Variants in MSRA observed in about 807,000 individuals in gnomAD.
MSRA encodes methionine sulfoxide reductase A.
A neutral mutation model predicts 31.3 loss-of-function variants in MSRA; 54 were observed. The observed-to-expected ratio is 1.73, with a 90% CI of 1.39 to 2.17. MSRA has a LOEUF of 2.17. Ranked by LOEUF, MSRA falls within the 30% of genes most tolerant of loss-of-function variation. The pLI is 0.00. For missense variants in MSRA, 507 were observed against 300.9 expected (o/e 1.69, Z -5.07); for synonymous variants, 169 against 116.5 (o/e 1.45, Z -2.90).
intron 5 of MSRA, chr8:10,411,095 A>G (rs1032764611): frequency 6.6e-6 from 1 of 151,790 alleles, no homozygotes. Flanking sequence ...TCTGACCTCC[A>G]CTCAGGTTTT....
chr8:10,373,535 C>G (rs926607471), intron 5 of MSRA, among the ~76,000 whole-genome samples: 2 of 152,262 alleles, frequency 1.3e-5, no homozygotes, highest in African/African-American at 4.8e-5. Context: ...CCTTGCCCAG[C>G]TACTGACTGG....
chr8:10,234,752 G>T (rs192752621), intron 2 of MSRA, among the ~76,000 whole-genome samples: 2 of 151,838 alleles, frequency 1.3e-5, no homozygotes, highest in Non-Finnish European at 2.9e-5. Context: ...GAAAACATAC[G>T]CCTGGTAAAT....
intron 5 of MSRA, among the ~76,000 whole-genome samples, chr8:10,345,273 G>A (rs998120672): frequency 2.0e-5 from 3 of 152,216 alleles, no homozygotes; most frequent in African/African-American, 7.2e-5. Context: ...GGCTGTTAGT[G>A]TAATGGTCTT....
intron 5 of MSRA, among the ~76,000 whole-genome samples, chr8:10,357,349 A>T (rs1804566080): frequency 6.6e-6 from 1 of 152,196 alleles, no homozygotes; most frequent in Non-Finnish European, 1.5e-5. Context: ...TAAATGCTTA[A>T]TGCTTTCTCT....
At chr8:10,251,737 A>G (rs1797926344) in intron 3 of MSRA, among the ~76,000 whole-genome samples, 1 of 152,116 alleles carries the variant, frequency 6.6e-6, no homozygotes, top group South Asian at 2.1e-4. Flanking sequence ...GAATGGACCC[A>G]TTGCCTGAAG....
intron 3 of MSRA, among the ~76,000 whole-genome samples, chr8:10,267,465 G>C (rs1018482432): frequency 6.6e-6 from 1 of 152,038 alleles, no homozygotes; most frequent in Non-Finnish European, 1.5e-5. Context: ...ATTATTCCAG[G>C]AGTAGGAGTC....
At chr8:10,348,726 T>G (rs1233478609) in intron 5 of MSRA, among the ~76,000 whole-genome samples, 1 of 152,116 alleles carries the variant, frequency 6.6e-6, no homozygotes, top group Non-Finnish European at 1.5e-5. Context: ...AATATTTATC[T>G]CCTTACTCAT....
At chr8:10,247,620 C>T (rs774531265) in intron 3 of MSRA, among the ~76,000 whole-genome samples, 1 of 152,112 alleles carries the variant, frequency 6.6e-6, no homozygotes, top group South Asian at 2.1e-4. Flanking sequence ...ACCACAGAGA[C>T]TGGTAAAGAA....
intron 4 of MSRA, among the ~76,000 whole-genome samples, chr8:10,313,496 C>T (rs894803989): frequency 2.7e-5 from 4 of 147,400 alleles, no homozygotes; most frequent in African/African-American, 1.0e-4. Context: ...AACAAACAAA[C>T]AAAAAAAAAC....
intron 1 of MSRA, among the ~76,000 whole-genome samples, chr8:10,134,944 G>C (rs1802162539): frequency 6.6e-6 from 1 of 152,144 alleles, no homozygotes; most frequent in Non-Finnish European, 1.5e-5. Flanking sequence ...GGCTGTAAAA[G>C]CTAGAGCTGT....
chr8:10,149,245 C>T (rs1803438784), intron 1 of MSRA, among the ~76,000 whole-genome samples: 1 of 152,110 alleles, frequency 6.6e-6, no homozygotes, highest in Admixed American at 6.5e-5. Flanking sequence ...CCTCAGCCTC[C>T]CAAGTATCTG....
At chr8:10,218,035 C>A (rs899482815) in intron 2 of MSRA, among the ~76,000 whole-genome samples, 7 of 151,980 alleles carry the variant, frequency 4.6e-5, no homozygotes, top group African/African-American at 1.7e-4. Flanking sequence ...TTTCTACAAA[C>A]CGAGAGTGAG....
At chr8:10,214,245 C>T (rs887985896) in intron 2 of MSRA, among the ~76,000 whole-genome samples, 10 of 152,084 alleles carry the variant, frequency 6.6e-5, no homozygotes, top group African/African-American at 1.4e-4. Flanking sequence ...GGACAGGTCC[C>T]GGAGCAGGGG....
At chr8:10,363,388 G>A (rs1455515464) in intron 5 of MSRA, among the ~76,000 whole-genome samples, 1 of 152,140 alleles carries the variant, frequency 6.6e-6, no homozygotes, top group Admixed American at 6.5e-5. Context: ...CAAGGAACCC[G>A]TCAGACTGGG....
chr8:10,260,699 G>A (rs564070215), intron 3 of MSRA, among the ~76,000 whole-genome samples: 6 of 152,218 alleles, frequency 3.9e-5, no homozygotes, highest in African/African-American at 1.4e-4. Flanking sequence ...CATTGGTGGG[G>A]GGGAATAAAA....
intron 1 of MSRA, among the ~76,000 whole-genome samples, chr8:10,157,687 C>T (rs1156760957): frequency 6.6e-6 from 1 of 151,886 alleles, no homozygotes; most frequent in Non-Finnish European, 1.5e-5. Flanking sequence ...TCAAATTTCC[C>T]TCATTTATAC....
At chr8:10,254,355 C>T (rs1203474055) in intron 3 of MSRA, among the ~76,000 whole-genome samples, 1 of 152,136 alleles carries the variant, frequency 6.6e-6, no homozygotes, top group Non-Finnish European at 1.5e-5. Flanking sequence ...TCTTTTGCTT[C>T]TTCTTTCCTT....
At chr8:10,307,240 T>G (rs1182405532) in intron 4 of MSRA, among the ~76,000 whole-genome samples, 9 of 151,668 alleles carry the variant, frequency 5.9e-5, no homozygotes, top group Non-Finnish European at 1.3e-4. Flanking sequence ...ACAATTGGCT[T>G]ACTGCAACTT....
chr8:10,317,353 G>A (rs1563343323), intron 4 of MSRA, among the ~76,000 whole-genome samples: 1 of 152,216 alleles, frequency 6.6e-6, no homozygotes, highest in East Asian at 1.9e-4. Flanking sequence ...CCAAAGATGA[G>A]CTGAGGCTTA....
Sources: gnomAD v4.1 joint callset for allele counts (sites outside exome capture counted in the v4.1 genomes callset) on GRCh38, gnomAD v4.1.1 for gene constraint, MANE v1.5 for transcripts, NCBI Gene and HGNC (gene_info 2026-07-23, HGNC 2026-07-21) for gene names.